Variants in VPS35 observed in about 807,000 individuals in gnomAD.
The protein encoded by VPS35 is VPS35 retromer complex component.
A neutral mutation model predicts 98.1 loss-of-function variants in VPS35; 21 were observed. The ratio of observed to expected loss-of-function variants is 0.21; its 90% CI spans 0.15 to 0.31. The LOEUF (loss-of-function observed/expected upper bound fraction) is 0.31, where lower values mean the gene tolerates loss of function less well. VPS35 is among the 10% of genes least tolerant of loss of function. The probability of loss-of-function intolerance (pLI) is 1.00; values close to 1 mark genes in which losing one functional copy is unlikely to be tolerated. For missense variants in VPS35, 554 were observed against 950.8 expected (o/e 0.58, Z 5.49); for synonymous variants, 268 against 318.2 (o/e 0.84, Z 1.68).
chr16:46,681,946 G>A (rs1966241484), intron 3 of VPS35, 133 bp downstream of exon 3: 2 of 694,918 alleles, frequency 2.9e-6, no homozygotes, highest in Non-Finnish European at 5.2e-6. Context: ...TCTGCATGGA[G>A]AAGGAGTGCC....
At chr16:46,662,900 C>T in intron 14 of VPS35, 83 bp downstream of exon 14, 1 of 1,482,062 alleles carries the variant, frequency 6.7e-7, no homozygotes, top group Non-Finnish European at 9.4e-7. Flanking sequence ...AGAGTAAATT[C>T]ATGTGCATTA....
chr16:46,660,819 T>TAAAAA, intron 16 of VPS35, 168 bp from the exon 17 acceptor site: 1 of 132,668 alleles, frequency 7.5e-6, no homozygotes, highest in Non-Finnish European at 1.3e-5. Context: ...TTACTGACTA[T>TAAAAA]CAAAAAAAAA....
At position 46,659,593 on chromosome 16, in the gene VPS35, GAA is replaced by G. The variant is rs1965876401; in HGVS notation, c.*877_*878del. 1 of 151,832 alleles carries G rather than the reference GAA, an allele frequency of 6.6e-6. No individual in the cohort carries two copies. Among genetic ancestry groups the G allele is most frequent in the Non-Finnish European group, 1.5e-5 (1 of 68,010 alleles). The allele number at this position is 151,832 out of a possible 1,614,324, so 9.4% of individuals were successfully genotyped here. On this transcript the variant is annotated 3_prime_UTR_variant, in exon 17 of 17. Transcript: ENST00000299138. The stretch of plus-strand genomic sequence containing the variant: ...TTAAGTGAGCTCTGTGAATATATGA[GAA>G]TGACTATTAAACTCTATAGCCATAC...
chr16:46,661,737 T>G lies in VPS35; in HGVS notation c.2192A>C (p.Tyr731Ser). Residue 731 changes from tyrosine to serine, a missense_variant, in exon 16 of 17, where the codon TAT becomes TCT. Physicochemically the swap from Tyr to Ser is moderately radical, Grantham distance 144. Around this residue, in one of 5 missense-constraint regions of VPS35, gnomAD observed 153 missense variants for 211.0 expected, o/e 0.73. Coordinates refer to ENST00000299138, the MANE Select transcript of VPS35 (RefSeq NM_018206.6). This position sits in a 1 kb window ranked among gnomAD's most constrained non-coding sequence, Gnocchi z 4.3. Reference sequence around the variant, plus strand: ...ACTTACCGCATCATTTTCCTTTTCATAAAAATAGATATATCTGTTCAGAAT... The same window carrying G: ...ACTTACCGCATCATTTTCCTTTTCAGAAAAATAGATATATCTGTTCAGAAT... Reference protein sequence around the residue: ...IEILNRYIYFYEKENDAVTIQ... With the variant: ...IEILNRYIYFSEKENDAVTIQ... The G allele has an allele frequency of 6.2e-7, 1 of 1,611,394 alleles. No homozygotes were observed. The highest frequency in any genetic ancestry group is 1.1e-5 in the South Asian group (1 of 90,988).
chr16:46,674,780 GTTTT>G (rs767511812), intron 8 of VPS35, 120 bp from the exon 9 acceptor site: 1 of 1,000,494 alleles, frequency 1.0e-6, no homozygotes, highest in African/African-American at 1.7e-5. Context: ...AAAGGTTTTT[GTTTT>G]TTTTGTTTTG....
At chr16:46,670,931 T>A (rs1192243511) in intron 12 of VPS35, among the ~76,000 whole-genome samples, 1 of 152,172 alleles carries the variant, frequency 6.6e-6, no homozygotes, top group Non-Finnish European at 1.5e-5. Flanking sequence ...AATAGCCTTA[T>A]GCATCCAAGA....
Position 46,659,415 on chromosome 16 carries a change from T to C in VPS35, c.*1057A>G, listed in dbSNP as rs1363042317. 2 of 152,238 alleles carry C rather than the reference T, an allele frequency of 1.3e-5. No homozygotes were observed. Among genetic ancestry groups the C allele is most frequent in the Admixed American group, 6.5e-5 (1 of 15,284 alleles). 9.4% of individuals were successfully genotyped at this position (152,238 alleles called of 1,614,324 possible). ...GTAAGTTTTGGGATGGTTTATTATA[T>C]AGTAGGTAACTAGTATCGGTGGTGA... On this transcript the variant is annotated 3_prime_UTR_variant, in exon 17 of 17. Transcript: ENST00000299138.
intron 11 of VPS35, 89 bp downstream of exon 11, chr16:46,672,176 T>A: frequency 1.8e-6 from 2 of 1,129,928 alleles, no homozygotes; most frequent in South Asian, 2.6e-5. Context: ...TAGTATTGAA[T>A]TACCCTCCCC....
At chr16:46,672,005 T>G in intron 11 of VPS35, 145 bp from the exon 12 acceptor site, 1 of 1,138,604 alleles carries the variant, frequency 8.8e-7, no homozygotes, top group Non-Finnish European at 1.3e-6. Context: ...TACACATGTA[T>G]GTCATACACA....
intron 12 of VPS35, chr16:46,669,323 T>A: frequency 2.3e-6 from 1 of 430,378 alleles, no homozygotes; most frequent in African/African-American, 2.0e-5. Context: ...AAGATATATT[T>A]AAATATATTT....
chr16:46,678,961 A>G lies in VPS35; in HGVS notation c.702T>C (p.Asn234=). 1.9e-6 allele frequency: 3 copies of G among 1,614,170 alleles called. No homozygotes were observed. Among genetic ancestry groups the G allele is most frequent in the Non-Finnish European group, 2.5e-6 (3 of 1,180,010 alleles). ...LVRLSQLEGV[N]VERYKQIVLT... ...TATAAACCTGTTTGTAACGTTCCACATTTACACCTTCCAACTGACTGAGGC... is the reference window on the plus strand; with the variant it reads ...TATAAACCTGTTTGTAACGTTCCACGTTTACACCTTCCAACTGACTGAGGC... The change falls in exon 6 of 17, where the codon AAT becomes AAC. Residue 234 remains asparagine, a synonymous_variant. Coordinates refer to ENST00000299138, the MANE Select transcript of VPS35 (RefSeq NM_018206.6).
intron 13 of VPS35, among the ~76,000 whole-genome samples, chr16:46,665,826 T>C (rs1965980590): frequency 6.6e-6 from 1 of 152,206 alleles, no homozygotes; most frequent in African/African-American, 2.4e-5. Flanking sequence ...GGTCTCCCTC[T>C]GTCACCCAGG....
chr16:46,677,314 C>A lies in VPS35; in HGVS notation c.804+1G>T. ...AAAAAAAATGAAATGTTCCCAGCTA[C>A]CTGAATAATACACTCCATGAGATAT... On this transcript the variant is annotated splice_donor_variant, in intron 7 of 16. Transcript: ENST00000299138. LOFTEE classifies it high-confidence loss of function. 3 of 1,613,018 alleles carry A rather than the reference C, an allele frequency of 1.9e-6. No individual in the cohort carries two copies. The highest frequency in any genetic ancestry group is 1.7e-6 in the Non-Finnish European group (2 of 1,179,070).
At chr16:46,670,787 T>C (rs1966056983) in intron 12 of VPS35, among the ~76,000 whole-genome samples, 1 of 152,140 alleles carries the variant, frequency 6.6e-6, no homozygotes, top group African/African-American at 2.4e-5. Flanking sequence ...CATCACACTA[T>C]CAACAGAAGT....
intron 13 of VPS35, among the ~76,000 whole-genome samples, chr16:46,663,891 T>G (rs1315974289): frequency 1.6e-5 from 2 of 128,900 alleles, no homozygotes; most frequent in South Asian, 4.9e-4. Flanking sequence ...TTTTTTTTTT[T>G]GTAGAGACAG....
chr16:46,671,700 C>G lies in VPS35; in HGVS notation c.1524+5G>C, dbSNP rs747643585. ...TACAGGGATATACTAAGGGTAAACT[C>G]ATACCAAGTACTGCTGGTCAGGGTC... On this transcript the variant is annotated splice_donor_5th_base_variant and intron_variant, in intron 12 of 16. Coordinates refer to ENST00000299138, the MANE Select transcript of VPS35 (RefSeq NM_018206.6). 1 of 1,614,082 alleles carries G rather than the reference C, an allele frequency of 6.2e-7. No homozygotes were observed. Among genetic ancestry groups the G allele is most frequent in the Non-Finnish European group, 8.5e-7 (1 of 1,179,964 alleles).
chr16:46,662,282 G>A lies in VPS35; in HGVS notation c.2028C>T (p.Leu676=), dbSNP rs1567468030. The A allele has an allele frequency of 6.2e-7, 1 of 1,614,134 alleles. No individual in the cohort carries two copies. Among genetic ancestry groups the A allele is most frequent in the Non-Finnish European group, 8.5e-7 (1 of 1,180,030 alleles). Residue 676 remains leucine, a synonymous_variant, in exon 15 of 17, where the codon CTC becomes CTT. Transcript: ENST00000299138. The stretch of plus-strand genomic sequence containing the variant: ...TGTCCGTGTTTCTGCCAGACCAGAA[G>A]AGATGTGCACAGGTGCTCACAGCTC... ...QGRAVSTCAH[L]FWSGRNTDKN...
rs1285948288 is a variant in VPS35 at position 46,681,000 on chromosome 16, A to AT, written c.324-148dup. 1.1e-5 allele frequency: 9 copies of AT among 825,040 alleles called. No homozygotes were observed. The East Asian group carries it at 2.4e-4, about 22-fold the overall frequency. The allele number at this position is 825,040 out of a possible 1,614,324, so 51.1% of individuals were successfully genotyped here. ...TGACAAGGAAAATATCTCATTTAAA[A>AT]TATAACCACTGACTGACCTCTAAAA... On this transcript the variant is annotated intron_variant, in intron 4 of 16. Transcript: ENST00000299138.
Position 46,678,146 on chromosome 16 carries a change from G to C in VPS35, c.721-748C>G, listed in dbSNP as rs182646112. On this transcript the variant is annotated intron_variant, in intron 6 of 16. Transcript: ENST00000299138. The stretch of plus-strand genomic sequence containing the variant: ...TGTTTTTACAAATAAAGTTTTACTA[G>C]AACACAGCCATGCCCATTCACTTCC... 5.9e-4 allele frequency among the ~76,000 whole-genome samples: 90 copies of C among 152,222 alleles called. 2 individuals are homozygous for C. In the East Asian group the frequency reaches 0.016, roughly 28 times the overall value.
Sources: gnomAD v4.1 joint callset for allele counts (sites outside exome capture counted in the v4.1 genomes callset) on GRCh38, gnomAD v4.1.1 for gene constraint, gnomAD v4.1.1 regional missense constraint, Gnocchi (gnomAD v3.1) non-coding constraint, MANE v1.5 for transcripts, NCBI Gene and HGNC (gene_info 2026-07-23, HGNC 2026-07-21) for gene names.